SEPTIN2: variants seen among roughly 807,000 people sequenced by gnomAD.
SEPTIN2 encodes septin 2, also known as septin-2.
A neutral mutation model predicts 46.5 loss-of-function variants in SEPTIN2; 34 were observed. The ratio of observed to expected loss-of-function variants is 0.73; its 90% CI spans 0.56 to 0.97. SEPTIN2 has a LOEUF of 0.97. Among genes scored for constraint, SEPTIN2 ranks in the 50% least tolerant of loss-of-function variants. The pLI is 0.00. For synonymous variants in SEPTIN2, 175 were observed against 153.4 expected, an observed-to-expected ratio of 1.14 and a Z score of -1.04; for missense variants, 347 against 448.4, an observed-to-expected ratio of 0.77 and a Z score of 2.04.
intron 2 of SEPTIN2, 70 bp from the exon 3 acceptor site, chr2:241,325,923 C>A: frequency 2.1e-6 from 3 of 1,436,622 alleles, no homozygotes; most frequent in South Asian, 1.3e-5. Context: ...TGTTTCATGT[C>A]TAACTGATTA....
At chr2:241,318,461 G>C (rs1379229828) in intron 1 of SEPTIN2, 1 of 152,172 alleles carries the variant, frequency 6.6e-6, no homozygotes, top group African/African-American at 2.4e-5. Flanking sequence ...ATTCCAGTTA[G>C]AAATGGACTA....
rs758680671 is a variant in SEPTIN2, at chr2:241,316,603, G to A, written c.-18+621G>A. The A allele has an allele frequency of 3.3e-5, 45 of 1,361,876 alleles. No homozygotes were observed. In the South Asian group the frequency reaches 6.4e-4, roughly 19 times the overall value. 84.4% of individuals were successfully genotyped at this position (1,361,876 alleles called of 1,614,324 possible). A position where few individuals can be genotyped will look rare whatever the true frequency, so the allele number is the denominator to read the frequency against. On this transcript the variant is annotated intron_variant, in intron 1 of 12. Coordinates refer to ENST00000391971, the MANE Select transcript of SEPTIN2 (RefSeq NM_004404.5). ...AGGGTATAGGGTTGGAGGCCGCCGAGTTGGCCCGGGGATGAGGAGCAAACC... is the reference window on the plus strand; with the variant it reads ...AGGGTATAGGGTTGGAGGCCGCCGAATTGGCCCGGGGATGAGGAGCAAACC...
At chr2:241,335,620 T>C (rs1301536196) in intron 4 of SEPTIN2, 1 of 581,460 alleles carries the variant, frequency 1.7e-6, no homozygotes, top group African/African-American at 1.9e-5. Context: ...TTGAATGAAA[T>C]AGGCACACAT....
chr2:241,328,017 C>T (rs944404281), intron 3 of SEPTIN2, among the ~76,000 whole-genome samples: 5 of 152,034 alleles, frequency 3.3e-5, no homozygotes, highest in East Asian at 1.9e-4. Context: ...CGTGCCACTG[C>T]GCTCCAGTCT....
intron 9 of SEPTIN2, among the ~76,000 whole-genome samples, chr2:241,344,627 C>T (rs935242615): frequency 7.9e-5 from 12 of 152,102 alleles, no homozygotes; most frequent in African/African-American, 2.4e-4. Context: ...ACTGTTGAAC[C>T]AGGAGGCAGA....
In SEPTIN2 at chr2:241,338,029, C is replaced by T. The variant is rs114421101; in HGVS notation, c.594+239C>T. ...ATTCTCCTTATATTTAAAATGCCCT[C>T]GATGAGTAGCAGTTGGTTACACACA... On this transcript the variant is annotated intron_variant, in intron 7 of 12. Transcript: ENST00000391971. 4.7e-3 allele frequency among the ~76,000 whole-genome samples: 722 copies of T among 152,228 alleles called. 3 individuals carry two copies. The highest frequency in any genetic ancestry group is 0.017 in the African/African-American group (686 of 41,538).
intron 10 of SEPTIN2, 41 bp from the exon 11 acceptor site, chr2:241,348,093 T>C (rs1459961833): frequency 1.3e-6 from 2 of 1,514,692 alleles, no homozygotes; most frequent in Non-Finnish European, 1.8e-6. Flanking sequence ...CAAATAACTA[T>C]TTGTTGCAGT....
upstream of SEPTIN2, chr2:241,315,719 A>T (rs559021710): frequency 6.6e-6 from 1 of 152,436 alleles, no homozygotes; most frequent in East Asian, 1.9e-4. Flanking sequence ...CTGCCGTGGG[A>T]GGAGCACGGC....
intron 1 of SEPTIN2, among the ~76,000 whole-genome samples, chr2:241,323,920 C>T (rs1575159043): frequency 6.6e-6 from 1 of 152,226 alleles, no homozygotes; most frequent in South Asian, 2.1e-4. Context: ...GATCTCTCAT[C>T]TCCCAGTCAT....
chr2:241,330,447 A>C (rs184123364), intron 3 of SEPTIN2, among the ~76,000 whole-genome samples: 139 of 152,340 alleles, frequency 9.1e-4, no homozygotes, highest in Admixed American at 1.6e-3. Context: ...GCTTTTGTGT[A>C]GCTGTGGAGG....
intron 7 of SEPTIN2, among the ~76,000 whole-genome samples, chr2:241,342,746 C>A (rs1274469235): frequency 1.3e-5 from 2 of 151,962 alleles, no homozygotes; most frequent in Admixed American, 1.3e-4. Flanking sequence ...CCATGTTAGC[C>A]AGGATGGTCT....
Position 241,317,571 on chromosome 2 carries a change from A to G in SEPTIN2, c.-18+1589A>G, listed in dbSNP as rs1025024074. ...TTTTTTTGTCTGGAGGAATGGGGAC[A>G]CCAAAACTCATTTGGCAGCAGAGGT... is the stretch of plus-strand genomic sequence containing the variant. On this transcript the variant is annotated intron_variant, in intron 1 of 12. Transcript: ENST00000391971. 5 of 982,912 alleles carry G rather than the reference A, an allele frequency of 5.1e-6. No homozygotes were observed. The African/African-American group carries it at 8.9e-5, about 17-fold the overall frequency. The allele number at this position is 982,912 out of a possible 1,614,324, so 60.9% of individuals were successfully genotyped here.
chr2:241,348,283 A>C, intron 11 of SEPTIN2, 92 bp downstream of exon 11: 1 of 998,736 alleles, frequency 1.0e-6, no homozygotes, highest in Non-Finnish European at 1.5e-6. Context: ...GCTGGAGTGC[A>C]GTGGCGTGAT....
chr2:241,338,230 C>T (rs2080355648), intron 7 of SEPTIN2, among the ~76,000 whole-genome samples: 2 of 152,150 alleles, frequency 1.3e-5, no homozygotes, highest in South Asian at 4.1e-4. Flanking sequence ...GCGCCTCTCA[C>T]CCGCCAGCAG....
chr2:241,340,263 G>A (rs1291337871), intron 7 of SEPTIN2, among the ~76,000 whole-genome samples: 1 of 152,232 alleles, frequency 6.6e-6, no homozygotes, highest in Non-Finnish European at 1.5e-5. Context: ...CTGTGCTGGT[G>A]TTGATGCCGG....
chr2:241,350,779 G>C (rs987958601), intron 12 of SEPTIN2, among the ~76,000 whole-genome samples: 1 of 151,920 alleles, frequency 6.6e-6, no homozygotes, highest in African/African-American at 2.4e-5. Context: ...TGCTTGAAAA[G>C]AATCTGCAGA....
chr2:241,317,769 A>G (rs2076583919), intron 1 of SEPTIN2, among the ~76,000 whole-genome samples: 1 of 152,150 alleles, frequency 6.6e-6, no homozygotes, highest in Non-Finnish European at 1.5e-5. Flanking sequence ...CTACATCGCC[A>G]GATGTTGTTC....
At chr2:241,333,236 A>G (rs936885236) in intron 3 of SEPTIN2, among the ~76,000 whole-genome samples, 1 of 152,218 alleles carries the variant, frequency 6.6e-6, no homozygotes, top group Non-Finnish European at 1.5e-5. Flanking sequence ...AAATGGGTGT[A>G]TCAGGAAAAC....
intron 2 of SEPTIN2, 30 bp downstream of exon 2, chr2:241,324,271 TAAG>T (rs749076927): frequency 1.3e-6 from 2 of 1,588,978 alleles, no homozygotes; most frequent in Non-Finnish European, 8.6e-7. Flanking sequence ...ATCTACAGCA[TAAG>T]GAGAAATTGC....
Sources: allele counts gnomAD v4.1 joint callset (sites outside exome capture counted in the v4.1 genomes callset), GRCh38; gene constraint gnomAD v4.1.1; transcripts MANE v1.5; gene names NCBI Gene and HGNC (gene_info 2026-07-23, HGNC 2026-07-21).